PFKFB2: variants seen among roughly 807,000 people sequenced by gnomAD.
PFKFB2 encodes 6-phosphofructo-2-kinase/fructose-2,6-bisphosphatase 2.
In PFKFB2, 53 loss-of-function variants were observed where a neutral mutation model predicts 68.0. The ratio of observed to expected loss-of-function variants is 0.78; its 90% CI spans 0.63 to 0.98. PFKFB2 has a LOEUF of 0.98. Among genes scored for constraint, PFKFB2 ranks in the 50% least tolerant of loss-of-function variants. PFKFB2 has a pLI of 0.00. For missense variants in PFKFB2, 451 were observed against 642.0 expected, an observed-to-expected ratio of 0.70 and a Z score of 3.22; for synonymous variants, 222 against 227.6, an observed-to-expected ratio of 0.98 and a Z score of 0.22.
intron 2 of PFKFB2, among the ~76,000 whole-genome samples, chr1:207,058,462 C>T (rs1476818944): frequency 6.6e-6 from 1 of 152,176 alleles, no homozygotes; most frequent in Non-Finnish European, 1.5e-5. Context: ...ACTGAATGGG[C>T]AGTCATGAGA....
Position 207,070,699 on chromosome 1 carries a change from A to G in PFKFB2, c.1222+290A>G. 2.9e-6 allele frequency: 1 copy of G among 348,116 alleles called. No individual in the cohort carries two copies. The allele number at this position is 348,116 out of a possible 1,614,324, so 21.6% of individuals were successfully genotyped here. A position where few individuals can be genotyped will look rare whatever the true frequency, so the allele number is the denominator to read the frequency against. On this transcript the variant is annotated intron_variant, in intron 12 of 14. Coordinates refer to ENST00000367080, the MANE Select transcript of PFKFB2 (RefSeq NM_006212.2). This position sits in a 1 kb window ranked among gnomAD's most constrained non-coding sequence, Gnocchi z 4.2. ...CCTGGCAGCATCAGGACAGTGGTTG[A>G]ATATTCCCAGCCTGCCACGCTGCCT...
At chr1:207,059,119 G>A (rs1379588160) in intron 2 of PFKFB2, among the ~76,000 whole-genome samples, 2 of 152,184 alleles carry the variant, frequency 1.3e-5, no homozygotes, top group Non-Finnish European at 2.9e-5. Context: ...GGACAGAGGC[G>A]AGAGGTGCGT....
intron 8 of PFKFB2, among the ~76,000 whole-genome samples, chr1:207,066,564 G>C (rs1414125019): frequency 6.6e-6 from 1 of 152,148 alleles, no homozygotes; most frequent in Non-Finnish European, 1.5e-5. Flanking sequence ...ACATGTGTAT[G>C]TTTGTATATG....
rs1683641910 is a variant in PFKFB2, at chr1:207,076,860, C to T, written c.*4489C>T. On this transcript the variant is annotated 3_prime_UTR_variant, in exon 15 of 15. Coordinates refer to ENST00000367080, the MANE Select transcript of PFKFB2 (RefSeq NM_006212.2). Reference sequence around the variant, plus strand: ...TAGGGTCTGTAAGCTGACAGTCTGCCTGCTTTCTGATTGTATCCATTGAAG... The same window carrying T: ...TAGGGTCTGTAAGCTGACAGTCTGCTTGCTTTCTGATTGTATCCATTGAAG... 1.0e-6 allele frequency: 1 copy of T among 985,178 alleles called. No individual in the cohort carries two copies. Among genetic ancestry groups the T allele is most frequent in the Non-Finnish European group, 1.2e-6 (1 of 829,762 alleles). The allele number at this position is 985,178 out of a possible 1,614,324, so 61.0% of individuals were successfully genotyped here.
chr1:207,071,689 T>A, intron 14 of PFKFB2, 116 bp downstream of exon 14: 1 of 752,542 alleles, frequency 1.3e-6, no homozygotes, highest in Non-Finnish European at 2.3e-6. Context: ...GATTCAGAAC[T>A]TACGTCCAAA....
In PFKFB2 at chr1:207,073,463, T is replaced by A; in HGVS notation, c.*1092T>A. 1.0e-6 allele frequency: 1 copy of A among 985,482 alleles called. No individual in the cohort carries two copies. Among genetic ancestry groups the A allele is most frequent in the African/African-American group, 1.7e-5 (1 of 57,370 alleles). 61.0% of individuals were successfully genotyped at this position (985,482 alleles called of 1,614,324 possible). A position where few individuals can be genotyped will look rare whatever the true frequency, so the allele number is the denominator to read the frequency against. ...AGGCAAGAGGCAGAGAAGAGTTCAC[T>A]AAAACTGCTTATTTTTGAATAATTT... On this transcript the variant is annotated 3_prime_UTR_variant, in exon 15 of 15. Transcript: ENST00000367080.
At chr1:207,053,800 A>G (rs1682826479) in intron 1 of PFKFB2, among the ~76,000 whole-genome samples, 1 of 151,722 alleles carries the variant, frequency 6.6e-6, no homozygotes, top group South Asian at 2.1e-4. Flanking sequence ...ACGACGTGCT[A>G]GGGCTGTCTT....
At position 207,073,669 on chromosome 1, in the gene PFKFB2, G is replaced by A. The variant is rs889265373; in HGVS notation, c.*1298G>A. The A allele has an allele frequency of 6.1e-6, 6 of 984,710 alleles. No individual in the cohort carries two copies. In the South Asian group the frequency reaches 1.9e-4, roughly 31 times the overall value. The allele number at this position is 984,710 out of a possible 1,614,324, so 61.0% of individuals were successfully genotyped here. Reference sequence around the variant, plus strand: ...CAGAGAAGTCCTTGGAACCCTGTGGGATCTAGCTCGTAACTGTTTGTATTT... The same window carrying A: ...CAGAGAAGTCCTTGGAACCCTGTGGAATCTAGCTCGTAACTGTTTGTATTT... On this transcript the variant is annotated 3_prime_UTR_variant, in exon 15 of 15. Coordinates refer to ENST00000367080, the MANE Select transcript of PFKFB2 (RefSeq NM_006212.2).
intron 9 of PFKFB2, 64 bp from the exon 10 acceptor site, chr1:207,068,095 AGTGT>A (rs4030464): frequency 3.4e-4 from 371 of 1,089,668 alleles, no homozygotes; most frequent in Admixed American, 1.2e-3. Flanking sequence ...GTGTGTGTTG[AGTGT>A]GTGTGTGTGT....
At chr1:207,055,460 C>T (rs914780664) in intron 2 of PFKFB2, among the ~76,000 whole-genome samples, 1 of 152,118 alleles carries the variant, frequency 6.6e-6, no homozygotes, top group Non-Finnish European at 1.5e-5. Flanking sequence ...GATGAAGCAT[C>T]ATTTCCTGTC....
Position 207,070,786 on chromosome 1 carries a change from C to T in PFKFB2, c.1222+377C>T, listed in dbSNP as rs1381363953. On this transcript the variant is annotated intron_variant, in intron 12 of 14. Coordinates refer to ENST00000367080, the MANE Select transcript of PFKFB2 (RefSeq NM_006212.2). The surrounding 1 kb of genome is among the most constrained non-coding windows in gnomAD (Gnocchi z 4.2). The stretch of plus-strand genomic sequence containing the variant: ...CTGGGTAAGGGCAGTAAGAAGGTGC[C>T]GTTGCCTTCTTCCATACTTCGCTTC... The T allele has an allele frequency of 2.5e-5, 7 of 278,744 alleles. No individual in the cohort carries two copies. The highest frequency in any genetic ancestry group is 9.0e-5 in the African/African-American group (4 of 44,520). 17.3% of individuals were successfully genotyped at this position (278,744 alleles called of 1,614,324 possible). A position where few individuals can be genotyped will look rare whatever the true frequency, so the allele number is the denominator to read the frequency against.
At position 207,073,961 on chromosome 1, in the gene PFKFB2, G is replaced by A; in HGVS notation, c.*1590G>A. The A allele has an allele frequency of 1.0e-6, 1 of 985,372 alleles. No individual in the cohort carries two copies. Among genetic ancestry groups the A allele is most frequent in the African/African-American group, 1.7e-5 (1 of 57,342 alleles). The allele number at this position is 985,372 out of a possible 1,614,324, so 61.0% of individuals were successfully genotyped here. A position where few individuals can be genotyped will look rare whatever the true frequency, so the allele number is the denominator to read the frequency against. ...AGAAGGAGTTAGCTATTTTCCAAGG[G>A]TGTTTTCATTTGGTAATGGAAGACT... On this transcript the variant is annotated 3_prime_UTR_variant, in exon 15 of 15. Transcript: ENST00000367080.
At chr1:207,054,207 GT>G (rs1477719529) in intron 1 of PFKFB2, among the ~76,000 whole-genome samples, 1 of 151,944 alleles carries the variant, frequency 6.6e-6, no homozygotes, top group Non-Finnish European at 1.5e-5. Flanking sequence ...CGGCCTCACT[GT>G]TTGCAAAACT....
upstream of PFKFB2, chr1:207,050,968 G>A (rs1248083445): frequency 3.9e-6 from 6 of 1,547,436 alleles, no homozygotes; most frequent in Middle Eastern, 1.7e-4. Context: ...GTTGGGAGAC[G>A]CCGCCGGGGA....
chr1:207,052,469 C>A, upstream of PFKFB2: 1 of 444,170 alleles, frequency 2.3e-6, no homozygotes, highest in Non-Finnish European at 4.1e-6. Flanking sequence ...CGAGACCAGC[C>A]TCATCAATAT....
Position 207,068,167 on chromosome 1 carries a change from C to A in PFKFB2, c.845C>A (p.Ala282Asp). 1.2e-6 allele frequency: 2 copies of A among 1,604,812 alleles called. No individual in the cohort carries two copies. Among genetic ancestry groups the A allele is most frequent in the Admixed American group, 1.7e-5 (1 of 57,338 alleles). ...ATTTTCATTTTTAAACCCCAGTTTG[C>A]CCAAGCTCTAAGGAAATTTCTGGAG... ...SGLSVRGKQF[A>D]QALRKFLEEQ... Residue 282 changes from alanine (A) to aspartate (D), a missense_variant, in exon 10 of 15, where the codon GCC (alanine) becomes GAC (aspartate). Transcript: ENST00000367080.
chr1:207,068,966 T>C (rs1471148125), intron 10 of PFKFB2, among the ~76,000 whole-genome samples: 4 of 152,264 alleles, frequency 2.6e-5, no homozygotes, highest in Non-Finnish European at 5.9e-5. Flanking sequence ...AGGCTGGTCT[T>C]GAACTCCTGA....
In PFKFB2 at chr1:207,070,718, G is replaced by A. The variant is rs1343112394; in HGVS notation, c.1222+309G>A. The stretch of plus-strand genomic sequence containing the variant: ...TGGTTGAATATTCCCAGCCTGCCAC[G>A]CTGCCTACTAGGAGGGTGGTATCTT... On this transcript the variant is annotated intron_variant, in intron 12 of 14. Transcript: ENST00000367080. This position sits in a 1 kb window ranked among gnomAD's most constrained non-coding sequence, Gnocchi z 4.2. 1.5e-5 allele frequency: 5 copies of A among 322,974 alleles called. No homozygotes were observed. Among genetic ancestry groups the A allele is most frequent in the African/African-American group, 2.2e-5 (1 of 45,726 alleles). The allele number at this position is 322,974 out of a possible 1,614,324, so 20.0% of individuals were successfully genotyped here. A position where few individuals can be genotyped will look rare whatever the true frequency, so the allele number is the denominator to read the frequency against.
intron 1 of PFKFB2, among the ~76,000 whole-genome samples, chr1:207,036,334 T>C (rs1288838648): frequency 6.6e-6 from 1 of 152,264 alleles, no homozygotes; most frequent in Non-Finnish European, 1.5e-5. Context: ...CATTTCCTGC[T>C]CTTGCTTTTG....
Sources: gnomAD v4.1 joint callset for allele counts (sites outside exome capture counted in the v4.1 genomes callset) on GRCh38, gnomAD v4.1.1 for gene constraint, Gnocchi (gnomAD v3.1) non-coding constraint, MANE v1.5 for transcripts, NCBI Gene and HGNC (gene_info 2026-07-23, HGNC 2026-07-21) for gene names.